C8orf34: variants seen among roughly 807,000 people sequenced by gnomAD.
The protein encoded by C8orf34 is uncharacterized protein C8orf34.
Under a neutral mutation model 68.3 loss-of-function variants are expected in C8orf34, and 65 were observed. The observed-to-expected ratio is 0.95, with a 90% CI of 0.78 to 1.17. The LOEUF is 1.17. Among genes scored for constraint, C8orf34 ranks in the 50% most tolerant of loss-of-function variants. The pLI is 0.00. For missense variants in C8orf34, 664 were observed against 655.4 expected (o/e 1.01, Z -0.14); for synonymous variants, 244 against 241.2 (o/e 1.01, Z -0.11).
chr8:68,347,237 G>A (rs1394018703), intron 1 of C8orf34, among the ~76,000 whole-genome samples: 2 of 151,970 alleles, frequency 1.3e-5, no homozygotes, highest in Admixed American at 6.6e-5. Context: ...TCCTGTTTGA[G>A]TTTGCTAAGG....
At chr8:68,507,080 C>T (rs1238583987) in intron 5 of C8orf34, among the ~76,000 whole-genome samples, 3 of 152,128 alleles carry the variant, frequency 2.0e-5, no homozygotes, top group African/African-American at 7.2e-5. Flanking sequence ...TCTGAGTCAT[C>T]CTACCTATGA....
chr8:68,520,975 C>T (rs963664210), intron 5 of C8orf34, among the ~76,000 whole-genome samples: 4 of 152,134 alleles, frequency 2.6e-5, no homozygotes, highest in Non-Finnish European at 4.4e-5. Context: ...GATAAAGGCA[C>T]TATTAAATTT....
intron 12 of C8orf34, among the ~76,000 whole-genome samples, chr8:68,811,854 AT>A (rs542297407): frequency 3.6e-4 from 55 of 152,310 alleles, no homozygotes; most frequent in African/African-American, 1.3e-3. Flanking sequence ...TTTGTTAAAT[AT>A]TTTTTCCCAA....
intron 12 of C8orf34, chr8:68,790,696 G>T: frequency 2.2e-6 from 1 of 450,852 alleles, no homozygotes; most frequent in Non-Finnish European, 3.9e-6. Context: ...TTGTGTCAGG[G>T]TTGTGTTTCT....
At chr8:68,599,293 A>C (rs985204988) in intron 7 of C8orf34, among the ~76,000 whole-genome samples, 1 of 152,112 alleles carries the variant, frequency 6.6e-6, no homozygotes, top group African/African-American at 2.4e-5. Context: ...CAAGATTTCA[A>C]TATAGTTATA....
At chr8:68,653,113 C>T (rs1819410678) in intron 8 of C8orf34, among the ~76,000 whole-genome samples, 1 of 152,040 alleles carries the variant, frequency 6.6e-6, no homozygotes, top group East Asian at 1.9e-4. Context: ...ATAAGTAAAA[C>T]ATAAGAGGTC....
chr8:68,773,440 G>A (rs528517796), intron 10 of C8orf34, among the ~76,000 whole-genome samples: 84 of 151,750 alleles, frequency 5.5e-4, no homozygotes, highest in Non-Finnish European at 7.8e-4. Flanking sequence ...TTGCTCCGTC[G>A]CCCAGGTTGG....
Position 68,746,582 on chromosome 8 carries a change from A to G in C8orf34, c.1404+25145A>G, listed in dbSNP as rs1405123666. Among the ~76,000 whole-genome samples the G allele has an allele frequency of 2.1e-5, 3 of 144,608 alleles. No individual in the cohort carries two copies. In the Admixed American group the frequency reaches 2.1e-4, roughly 10 times the overall value. The allele number at this position is 144,608 out of a possible 152,430, so 94.9% of individuals were successfully genotyped here. On this transcript the variant is annotated intron_variant, in intron 10 of 13. Coordinates refer to ENST00000518698, the MANE Select transcript of C8orf34 (RefSeq NM_052958.4). ...CACCGATCCCACAGAAATACAAACT[A>G]CTATCAGAGAATACTACAAACACCT...
intron 10 of C8orf34, among the ~76,000 whole-genome samples, chr8:68,729,923 C>T (rs1253700428): frequency 6.6e-6 from 1 of 152,020 alleles, no homozygotes; most frequent in African/African-American, 2.4e-5. Context: ...TTTTCATACT[C>T]AAGTATAATT....
chr8:68,330,780 G>A (rs1805531932), upstream of C8orf34: 1 of 437,052 alleles, frequency 2.3e-6, no homozygotes, highest in Admixed American at 4.5e-5. Context: ...GGTACACACA[G>A]TCGCGCGCGC....
chr8:68,657,083 T>G (rs1232488061), intron 8 of C8orf34, among the ~76,000 whole-genome samples: 2 of 152,186 alleles, frequency 1.3e-5, no homozygotes, highest in African/African-American at 4.8e-5. Context: ...TTCCTATGAA[T>G]GTCCCTCATA....
At chr8:68,656,285 C>G (rs1334774318) in intron 8 of C8orf34, among the ~76,000 whole-genome samples, 4 of 152,120 alleles carry the variant, frequency 2.6e-5, no homozygotes, top group Admixed American at 1.3e-4. Flanking sequence ...GGCATGACCA[C>G]CACAATAAAA....
intron 8 of C8orf34, among the ~76,000 whole-genome samples, chr8:68,654,199 T>C (rs1390608827): frequency 6.6e-6 from 1 of 152,100 alleles, no homozygotes; most frequent in African/African-American, 2.4e-5. Flanking sequence ...AGGCACTCTC[T>C]ATAAGGAACA....
intron 10 of C8orf34, among the ~76,000 whole-genome samples, chr8:68,726,075 A>T (rs977172788): frequency 6.6e-6 from 1 of 151,986 alleles, no homozygotes; most frequent in African/African-American, 2.4e-5. Flanking sequence ...CACCCAGCTA[A>T]TTTTTGTATT....
chr8:68,461,813 A>G (rs1384015082), intron 3 of C8orf34, among the ~76,000 whole-genome samples: 1 of 152,200 alleles, frequency 6.6e-6, no homozygotes, highest in Non-Finnish European at 1.5e-5. Context: ...GAAAGGAACA[A>G]CCAGTACCAG....
chr8:68,463,976 C>T (rs1290503341), intron 3 of C8orf34, among the ~76,000 whole-genome samples: 11 of 152,034 alleles, frequency 7.2e-5, no homozygotes, highest in Non-Finnish European at 2.9e-5. Flanking sequence ...AAAGGGTATT[C>T]AATTAGGAAA....
intron 1 of C8orf34, among the ~76,000 whole-genome samples, chr8:68,437,314 AAAAAC>A (rs1397387127): frequency 6.6e-6 from 1 of 152,124 alleles, no homozygotes; most frequent in African/African-American, 2.4e-5. Context: ...AGGTAAATTC[AAAAAC>A]AAAACAAAAC....
intron 10 of C8orf34, among the ~76,000 whole-genome samples, chr8:68,767,118 T>G (rs971504786): frequency 2.0e-5 from 3 of 152,060 alleles, no homozygotes; most frequent in Non-Finnish European, 4.4e-5. Context: ...CAATTGAACC[T>G]GGGAAGCGGA....
intron 7 of C8orf34, among the ~76,000 whole-genome samples, chr8:68,556,768 G>A (rs1464368735): frequency 2.6e-5 from 4 of 152,138 alleles, no homozygotes; most frequent in Admixed American, 2.6e-4. Flanking sequence ...TAAAACATTG[G>A]TAGTAATGTA....
Sources: gnomAD v4.1 joint callset for allele counts (sites outside exome capture counted in the v4.1 genomes callset) on GRCh38, gnomAD v4.1.1 for gene constraint, MANE v1.5 for transcripts, NCBI Gene and HGNC (gene_info 2026-07-23, HGNC 2026-07-21) for gene names.